Variants in SCAF4 observed in about 807,000 individuals in gnomAD.
SCAF4 encodes SR-related and CTD-associated factor 4.
Under a neutral mutation model 129.8 loss-of-function variants are expected in SCAF4, and 25 were observed. The ratio of observed to expected loss-of-function variants is 0.19; its 90% CI spans 0.14 to 0.27. The LOEUF (loss-of-function observed/expected upper bound fraction) is 0.27. Among genes scored for constraint, SCAF4 ranks in the 10% least tolerant of loss-of-function variants. The pLI, the probability that SCAF4 is intolerant of heterozygous loss-of-function variation, is 1.00. For synonymous variants in SCAF4, 551 were observed against 497.7 expected (o/e 1.11, Z -1.43); for missense variants, 1,246 against 1,457.1 (o/e 0.86, Z 2.36).
chr21:31,694,776 CA>C, intron 10 of SCAF4, 36 bp downstream of exon 10: 5 of 1,603,132 alleles, frequency 3.1e-6, no homozygotes, highest in East Asian at 2.2e-5. Context: ...GTCAAGGCAA[CA>C]AAAAAAGATA....
chr21:31,675,726 TTAAC>T (rs1349145141), intron 19 of SCAF4, among the ~76,000 whole-genome samples: 1 of 152,136 alleles, frequency 6.6e-6, no homozygotes, highest in Non-Finnish European at 1.5e-5. Context: ...ACACTGGAGT[TTAAC>T]TAAAAATAAC....
Position 31,731,875 on chromosome 21 carries a change from CGGAGAGGT to C in SCAF4, c.-191_-184del, listed in dbSNP as rs920870111. ...GCGAGGCGGGCGGCCGAGGCAGAGGCGGAGAGGTGGCGGGCCCCCTCTCAGTCCCGTTC... is the reference window on the plus strand; with the variant it reads ...GCGAGGCGGGCGGCCGAGGCAGAGGCGGCGGGCCCCCTCTCAGTCCCGTTC... On this transcript the variant is annotated 5_prime_UTR_variant, in exon 1 of 20. Transcript: ENST00000286835. The C allele has an allele frequency of 1.2e-5, 7 of 570,172 alleles. No individual in the cohort carries two copies. In the Admixed American group the frequency reaches 2.2e-4, roughly 18 times the overall value. 35.3% of individuals were successfully genotyped at this position (570,172 alleles called of 1,614,324 possible). A position where few individuals can be genotyped will look rare whatever the true frequency, so the allele number is the denominator to read the frequency against.
At chr21:31,704,588 A>T (rs1036311885) in intron 3 of SCAF4, among the ~76,000 whole-genome samples, 1 of 152,092 alleles carries the variant, frequency 6.6e-6, no homozygotes, top group Non-Finnish European at 1.5e-5. Flanking sequence ...GCATCACTGT[A>T]ACAACCGCAG....
chr21:31,704,308 T>G (rs143451041), intron 3 of SCAF4, among the ~76,000 whole-genome samples: 1 of 152,278 alleles, frequency 6.6e-6, no homozygotes, highest in Non-Finnish European at 1.5e-5. Context: ...ACAAAACATT[T>G]TTTAACATAT....
rs2050350181 is a variant in SCAF4, at chr21:31,694,967, G to C, written c.1082C>G (p.Pro361Arg). The change falls in exon 10 of 20, where the codon CCT becomes CGT. Residue 361 changes from proline (P) to arginine (R), a missense_variant. Pro to Arg is a moderately radical substitution (Grantham distance 103). Around this residue, in one of 6 missense-constraint regions of SCAF4, gnomAD observed 236 missense variants for 210.0 expected, o/e 1.12. Coordinates refer to ENST00000286835, the MANE Select transcript of SCAF4 (RefSeq NM_020706.2). Reference sequence around the variant, plus strand: ...TCCAAATCCTGGCATTTGTCCATTAGGAGGAAGTGGAACCTTTCATTTTTA... The same window carrying C: ...TCCAAATCCTGGCATTTGTCCATTACGAGGAAGTGGAACCTTTCATTTTTA... ...DPMHHQVPLP[P>R]NGQMPGFGLL... The C allele has an allele frequency of 6.2e-7, 1 of 1,613,768 alleles. No homozygotes were observed. Among genetic ancestry groups the C allele is most frequent in the African/African-American group, 1.3e-5 (1 of 74,910 alleles).
intron 1 of SCAF4, among the ~76,000 whole-genome samples, chr21:31,716,384 T>G (rs976317608): frequency 1.3e-5 from 2 of 152,084 alleles, no homozygotes; most frequent in African/African-American, 4.8e-5. Flanking sequence ...AAGAAATACA[T>G]ATATACTCAC....
chr21:31,696,156 T>C lies in SCAF4; in HGVS notation c.1025A>G (p.Gln342Arg). 6.2e-7 allele frequency: 1 copy of C among 1,613,994 alleles called. No individual in the cohort carries two copies. Among genetic ancestry groups the C allele is most frequent in the Non-Finnish European group, 8.5e-7 (1 of 1,179,924 alleles). The stretch of plus-strand genomic sequence containing the variant: ...CTGTTGTATTCCCATCATTCGTGGC[T>C]GAAACTGATCCATATTTTGATGCTG... ...YTQHQNMDQFQPRMMGIQQDP... is the reference protein window; with the variant it reads ...YTQHQNMDQFRPRMMGIQQDP... The change falls in exon 9 of 20, where the codon CAG (glutamine) becomes CGG (arginine). Residue 342 changes from glutamine (Q) to arginine (R), a missense_variant. Physicochemically the swap from Gln to Arg is conservative, Grantham distance 43. Coordinates refer to ENST00000286835, the MANE Select transcript of SCAF4 (RefSeq NM_020706.2).
rs1223180679 is a variant in SCAF4 at position 31,685,437 on chromosome 21, T to G, written c.2257A>C (p.Ile753Leu). The G allele has an allele frequency of 6.8e-6, 11 of 1,613,412 alleles. No individual in the cohort carries two copies. The highest frequency in any genetic ancestry group is 7.6e-6 in the Non-Finnish European group (9 of 1,179,662). ...PPPPITPPVS[I>L]PPPHTPPISI... is the part of the protein sequence containing the mutation. The stretch of plus-strand genomic sequence containing the variant: ...ATTGGTGGAGTGTGAGGAGGAGGAA[T>G]GGATACTGGTGGAGTTATAGGAGGT... Residue 753 changes from isoleucine (I) to leucine (L), a missense_variant, in exon 18 of 20, where the codon ATT (isoleucine) becomes CTT (leucine). By Grantham distance (5) the Ile-to-Leu change is conservative. Coordinates refer to ENST00000286835, the MANE Select transcript of SCAF4 (RefSeq NM_020706.2).
intron 1 of SCAF4, among the ~76,000 whole-genome samples, chr21:31,730,672 T>C (rs2051328028): frequency 6.6e-6 from 1 of 152,250 alleles, no homozygotes; most frequent in Non-Finnish European, 1.5e-5. Flanking sequence ...ATGACAATAG[T>C]TCCCATTCTG....
chr21:31,699,404 A>T (rs1280111322), intron 7 of SCAF4, among the ~76,000 whole-genome samples: 2 of 152,152 alleles, frequency 1.3e-5, no homozygotes, highest in Non-Finnish European at 2.9e-5. Flanking sequence ...TTATGTTCGT[A>T]TGTGCATGCA....
At chr21:31,679,906 A>G (rs1462149523) in intron 19 of SCAF4, among the ~76,000 whole-genome samples, 1 of 152,230 alleles carries the variant, frequency 6.6e-6, no homozygotes, top group Non-Finnish European at 1.5e-5. Flanking sequence ...ATAATTGACA[A>G]AGTGCAATAG....
At chr21:31,688,577 C>T (rs2050185483) in intron 15 of SCAF4, 113 bp from the exon 16 acceptor site, 1 of 820,262 alleles carries the variant, frequency 1.2e-6, no homozygotes. Flanking sequence ...AAAGAAATTC[C>T]CATGCTAATT....
rs767821506 is a variant in SCAF4, at chr21:31,671,657, A to C, written c.3186T>G (p.Asp1062Glu). 26 of 1,613,582 alleles carry C rather than the reference A, an allele frequency of 1.6e-5. No homozygotes were observed. Among genetic ancestry groups the C allele is most frequent in the Middle Eastern group, 1.6e-4 (1 of 6,084 alleles). Residue 1062 changes from aspartate to glutamate, a missense_variant, in exon 20 of 20, where the codon GAT (aspartate) becomes GAG (glutamate). Coordinates refer to ENST00000286835, the MANE Select transcript of SCAF4 (RefSeq NM_020706.2). ...CTCTACGAGACTCTCTATCTCTAGA[A>C]TCTCTCTCTCTGTCTCGATGCCCAC... is the stretch of plus-strand genomic sequence containing the variant. ...RSSGHRDRER[D>E]SRDRESRREK...
rs2050415325 is a variant in SCAF4 at position 31,697,464 on chromosome 21, G to C, written c.778-714C>G. Among the ~76,000 whole-genome samples, 3 of 152,226 alleles carry C rather than the reference G, an allele frequency of 2.0e-5. No homozygotes were observed. In the South Asian group the frequency reaches 6.2e-4, roughly 32 times the overall value. ...TTCATCACAAGAACACTGCAATGTA[G>C]ATAGTTTCTTCTTTTTTACAGACAA... On this transcript the variant is annotated intron_variant, in intron 7 of 19. Coordinates refer to ENST00000286835, the MANE Select transcript of SCAF4 (RefSeq NM_020706.2).
At chr21:31,679,200 G>T (rs1487361534) in intron 19 of SCAF4, among the ~76,000 whole-genome samples, 1 of 152,106 alleles carries the variant, frequency 6.6e-6, no homozygotes, top group Non-Finnish European at 1.5e-5. Flanking sequence ...CCACCGTTTT[G>T]ATTTGATCTC....
chr21:31,725,428 A>T (rs1247308430), intron 1 of SCAF4, among the ~76,000 whole-genome samples: 1 of 152,226 alleles, frequency 6.6e-6, no homozygotes, highest in Non-Finnish European at 1.5e-5. Context: ...CTTCAGAATA[A>T]CATGATTGAC....
chr21:31,696,212 A>C lies in SCAF4; in HGVS notation c.969T>G (p.Pro323=). ...PPPPQAPFGF[P]GDGMQQPAYT... is the part of the protein sequence containing the mutation. ...ATGCTGGCTGCTGCATGCCATCTCC[A>C]GGAAAGCCACTAAAAAAAGGTGGAT... The change falls in exon 9 of 20, where the codon CCT becomes CCG. Residue 323 remains proline (P), a synonymous_variant. Transcript: ENST00000286835. 2 of 1,613,636 alleles carry C rather than the reference A, an allele frequency of 1.2e-6. No individual in the cohort carries two copies. The highest frequency in any genetic ancestry group is 1.7e-6 in the Non-Finnish European group (2 of 1,179,718).
chr21:31,721,496 AG>A (rs1359822545), intron 1 of SCAF4, among the ~76,000 whole-genome samples: 1 of 152,220 alleles, frequency 6.6e-6, no homozygotes, highest in African/African-American at 2.4e-5. Flanking sequence ...GGAAATATAG[AG>A]GAACACTCAT....
In SCAF4 at chr21:31,731,984, G is replaced by A; in HGVS notation, c.-292C>T. On this transcript the variant is annotated 5_prime_UTR_variant, in exon 1 of 20. It adds an upstream start codon to the 5' untranslated region. Transcript: ENST00000286835. ...TTTGGTGGTGGCGGCTGCGCTCTGC[G>A]TCTCGCTGACACGGCCCCCCGCGCC... 1 of 474,412 alleles carries A rather than the reference G, an allele frequency of 2.1e-6. No individual in the cohort carries two copies. Among genetic ancestry groups the A allele is most frequent in the Non-Finnish European group, 3.6e-6 (1 of 274,106 alleles). 29.4% of individuals were successfully genotyped at this position (474,412 alleles called of 1,614,324 possible).
Sources: gnomAD v4.1 joint callset for allele counts (sites outside exome capture counted in the v4.1 genomes callset) on GRCh38, gnomAD v4.1.1 for gene constraint, gnomAD v4.1.1 regional missense constraint, MANE v1.5 for transcripts, NCBI Gene and HGNC (gene_info 2026-07-23, HGNC 2026-07-21) for gene names.